OPRM1: variants seen among roughly 807,000 people sequenced by gnomAD.
OPRM1 encodes mu-type opioid receptor.
In OPRM1, 27 loss-of-function variants were observed where a neutral mutation model predicts 31.8. The ratio of observed to expected loss-of-function variants is 0.85; its 90% CI spans 0.63 to 1.17. The LOEUF (loss-of-function observed/expected upper bound fraction) is 1.17. Ranked by LOEUF, OPRM1 falls within the 50% of genes most tolerant of loss-of-function variation. The probability of loss-of-function intolerance (pLI) is 0.00; values close to 1 mark genes in which losing one functional copy is unlikely to be tolerated. For missense variants in OPRM1, 536 were observed against 511.1 expected, an observed-to-expected ratio of 1.05 and a Z score of -0.47; for synonymous variants, 196 against 189.9, an observed-to-expected ratio of 1.03 and a Z score of -0.26.
At chr6:154,236,667 G>C (rs1224817786) in intron 3 of OPRM1, among the ~76,000 whole-genome samples, 1 of 152,168 alleles carries the variant, frequency 6.6e-6, no homozygotes, top group Non-Finnish European at 1.5e-5. Flanking sequence ...AAATATCAGT[G>C]GCTGACCTGC....
At chr6:154,025,069 C>G (rs770511309) in intron 1 of OPRM1, among the ~76,000 whole-genome samples, 34 of 152,088 alleles carry the variant, frequency 2.2e-4, no homozygotes, top group Middle Eastern at 3.4e-3. Flanking sequence ...TGTGAAGTCT[C>G]TTTGTTGATT....
chr6:154,142,320 A>C (rs114374764), intron 3 of OPRM1, among the ~76,000 whole-genome samples: 314 of 52,904 alleles, frequency 5.9e-3, no homozygotes, highest in African/African-American at 0.019. Context: ...GAAATTGGTC[A>C]TCAGCAGCTT....
chr6:154,196,426 T>A (rs898162732), intron 3 of OPRM1, among the ~76,000 whole-genome samples: 2 of 152,188 alleles, frequency 1.3e-5, no homozygotes, highest in African/African-American at 4.8e-5. Context: ...TTATTTTTTT[T>A]AATTAAGCTT....
intron 3 of OPRM1, among the ~76,000 whole-genome samples, chr6:154,102,402 T>C (rs1322631079): frequency 6.6e-6 from 1 of 152,198 alleles, no homozygotes; most frequent in Non-Finnish European, 1.5e-5. Context: ...GGCAACTGGC[T>C]AATATTATTA....
chr6:154,152,244 AAAG>A (rs1231486791), intron 3 of OPRM1, among the ~76,000 whole-genome samples: 1 of 146,496 alleles, frequency 6.8e-6, no homozygotes, highest in African/African-American at 2.7e-5. Context: ...GAGAAAAGAA[AAAG>A]AAGAAAGAAA....
intron 3 of OPRM1, among the ~76,000 whole-genome samples, chr6:154,205,371 G>T (rs1181576324): frequency 6.6e-6 from 1 of 152,104 alleles, no homozygotes; most frequent in Non-Finnish European, 1.5e-5. Context: ...AAAACAGGTG[G>T]ATCACTTGAG....
At chr6:154,033,180 A>T (rs923482561) in intron 1 of OPRM1, among the ~76,000 whole-genome samples, 5 of 152,176 alleles carry the variant, frequency 3.3e-5, no homozygotes, top group Admixed American at 2.0e-4. Flanking sequence ...AAGTTATGGA[A>T]GAAAGAGATA....
chr6:154,111,399 G>C (rs914948656), intron 3 of OPRM1, among the ~76,000 whole-genome samples: 4 of 152,096 alleles, frequency 2.6e-5, no homozygotes, highest in African/African-American at 9.7e-5. Flanking sequence ...TTGTAACTTT[G>C]AATGGCATCA....
intron 3 of OPRM1, among the ~76,000 whole-genome samples, chr6:154,165,723 C>T (rs1434039231): frequency 1.3e-5 from 2 of 152,248 alleles, no homozygotes; most frequent in African/African-American, 2.4e-5. Flanking sequence ...GACCCAATGA[C>T]TTGCTTCTAC....
intron 3 of OPRM1, among the ~76,000 whole-genome samples, chr6:154,225,781 G>A (rs1005219917): frequency 1.3e-5 from 2 of 152,160 alleles, no homozygotes; most frequent in African/African-American, 4.8e-5. Flanking sequence ...ATCTATGTTA[G>A]GCTAAGGCGT....
At chr6:154,149,431 G>A (rs1168648697) in intron 3 of OPRM1, among the ~76,000 whole-genome samples, 1 of 152,102 alleles carries the variant, frequency 6.6e-6, no homozygotes. Flanking sequence ...TTCAAGATGA[G>A]ATCTGGGTAG....
At chr6:154,239,860 G>C (rs1275598988) in intron 3 of OPRM1, among the ~76,000 whole-genome samples, 1 of 152,032 alleles carries the variant, frequency 6.6e-6, no homozygotes, top group East Asian at 1.9e-4. Flanking sequence ...TATCCACCAC[G>C]CTTGGCTAAT....
chr6:154,219,697 T>C, intron 3 of OPRM1, among the ~76,000 whole-genome samples: 1 of 152,206 alleles, frequency 6.6e-6, no homozygotes, highest in Admixed American at 6.5e-5. Context: ...TCCATTCGTG[T>C]ATCTGTTCTT....
Position 154,166,374 on chromosome 6 carries a change from C to G in OPRM1, c.1164+74902C>G, listed in dbSNP as rs548675664. 2.0e-5 allele frequency among the ~76,000 whole-genome samples: 3 copies of G among 152,336 alleles called. No individual in the cohort carries two copies. In the East Asian group the frequency reaches 5.8e-4, roughly 29 times the overall value. On this transcript the variant is annotated intron_variant, in intron 3 of 3. Transcript: ENST00000337049. The stretch of plus-strand genomic sequence containing the variant: ...GAAGGCCTGAGGCCACAGCCTTTCT[C>G]CTTCTACTAATGACTCAAACTGCAC...
chr6:154,036,740 T>C (rs1350179622), upstream of OPRM1, among the ~76,000 whole-genome samples: 1 of 152,004 alleles, frequency 6.6e-6, no homozygotes, highest in African/African-American at 2.4e-5. Context: ...TTTATTTTTA[T>C]TTTATATTAT....
intron 3 of OPRM1, among the ~76,000 whole-genome samples, chr6:154,149,039 G>A (rs1243441409): frequency 6.6e-6 from 1 of 152,082 alleles, no homozygotes; most frequent in East Asian, 1.9e-4. Flanking sequence ...ATGGTTATAG[G>A]TTCCTTTGGG....
intron 3 of OPRM1, among the ~76,000 whole-genome samples, chr6:154,179,807 G>A (rs550725241): frequency 1.3e-5 from 2 of 152,230 alleles, no homozygotes; most frequent in Non-Finnish European, 2.9e-5. Context: ...CTTTCACACC[G>A]TGCAGAATCA....
downstream of OPRM1, among the ~76,000 whole-genome samples, chr6:154,137,217 A>G (rs1798082186): frequency 6.6e-6 from 1 of 152,206 alleles, no homozygotes; most frequent in Non-Finnish European, 1.5e-5. Flanking sequence ...TGAAATGCCT[A>G]TGAAATACAA....
At chr6:154,207,444 A>C (rs1777593265) in intron 3 of OPRM1, among the ~76,000 whole-genome samples, 1 of 152,258 alleles carries the variant, frequency 6.6e-6, no homozygotes, top group Non-Finnish European at 1.5e-5. Context: ...CATTTAGTAC[A>C]GATATTGAAT....
Sources: gnomAD v4.1 joint callset for allele counts (sites outside exome capture counted in the v4.1 genomes callset) on GRCh38, gnomAD v4.1.1 for gene constraint, MANE v1.5 for transcripts, NCBI Gene and HGNC (gene_info 2026-07-23, HGNC 2026-07-21) for gene names.